COL4A2: variants seen among roughly 807,000 people sequenced by gnomAD.
The protein encoded by COL4A2 is collagen type IV alpha 2 chain.
In COL4A2, 99 loss-of-function variants were observed where a neutral mutation model predicts 200.2. The observed-to-expected ratio is 0.49, with a 90% CI of 0.42 to 0.58. COL4A2 has a LOEUF of 0.58. Ranked by LOEUF, COL4A2 falls within the 20% of genes least tolerant of loss-of-function variation. The probability of loss-of-function intolerance (pLI) is 0.00; values close to 1 mark genes in which losing one functional copy is unlikely to be tolerated. For missense variants in COL4A2, 1,950 were observed against 2,314.1 expected, an observed-to-expected ratio of 0.84 and a Z score of 3.23; for synonymous variants, 897 against 900.6, an observed-to-expected ratio of 1.00 and a Z score of 0.07.
intron 4 of COL4A2, among the ~76,000 whole-genome samples, chr13:110,364,163 A>G (rs1877642667): frequency 6.6e-6 from 1 of 152,232 alleles, no homozygotes; most frequent in Non-Finnish European, 1.5e-5. Flanking sequence ...TACATGCTGC[A>G]CAGAAAGGGC....
chr13:110,482,139 G>A (rs1038780576), intron 31 of COL4A2, among the ~76,000 whole-genome samples: 8 of 152,224 alleles, frequency 5.3e-5, no homozygotes, highest in African/African-American at 7.2e-5. Flanking sequence ...GTCCTGTGTC[G>A]CATCTCCATG....
At chr13:110,472,524 G>A (rs73621023) in intron 28 of COL4A2, among the ~76,000 whole-genome samples, 4,702 of 152,166 alleles carry the variant, frequency 0.031, 219 homozygotes, top group African/African-American at 0.1. Context: ...GGCCCTGTTC[G>A]TTCCTGCCTC....
chr13:110,463,258 C>T (rs1014450876), intron 24 of COL4A2: 1 of 152,428 alleles, frequency 6.6e-6, no homozygotes, highest in African/African-American at 2.4e-5. Flanking sequence ...TTCTCTCTGT[C>T]TTCTCATCAT....
At chr13:110,410,898 A>G (rs1338017400) in intron 4 of COL4A2, among the ~76,000 whole-genome samples, 1 of 152,154 alleles carries the variant, frequency 6.6e-6, no homozygotes, top group Non-Finnish European at 1.5e-5. Context: ...TCTTGACTGC[A>G]CGGGGCTCCA....
At chr13:110,399,252 CAA>C (rs1018127308) in intron 4 of COL4A2, among the ~76,000 whole-genome samples, 18 of 152,218 alleles carry the variant, frequency 1.2e-4, no homozygotes, top group African/African-American at 4.1e-4. Context: ...CCAAGGAGAG[CAA>C]AGATAAAATC....
intron 4 of COL4A2, among the ~76,000 whole-genome samples, chr13:110,424,008 G>T (rs540128529): frequency 1.3e-5 from 2 of 152,282 alleles, no homozygotes; most frequent in Admixed American, 6.5e-5. Flanking sequence ...TGCTGTGCGT[G>T]TAAGTGTACC....
Position 110,351,214 on chromosome 13 carries a change from A to AT in COL4A2, c.100-6256dup, listed in dbSNP as rs61206750. On this transcript the variant is annotated intron_variant, in intron 3 of 47. Coordinates refer to ENST00000360467, the MANE Select transcript of COL4A2 (RefSeq NM_001846.4). ...CAGGCGTGCACCACCACACCCAGCT[A>AT]TTCTTTTTGTTTGTTTGTTTGTTTG... Among the ~76,000 whole-genome samples, 108 of 73,464 alleles carry AT rather than the reference A, an allele frequency of 1.5e-3. 2 individuals are homozygous for AT. In the South Asian group the frequency reaches 0.017, roughly 11 times the overall value. 48.2% of individuals were successfully genotyped at this position (73,464 alleles called of 152,430 possible).
At chr13:110,308,487 A>T (rs1306590478) in intron 3 of COL4A2, among the ~76,000 whole-genome samples, 4 of 152,128 alleles carry the variant, frequency 2.6e-5, no homozygotes, top group Non-Finnish European at 5.9e-5. Context: ...GGGCGAAAAA[A>T]GTTTTCCTGG....
At chr13:110,403,345 CT>C (rs1879444172) in intron 4 of COL4A2, among the ~76,000 whole-genome samples, 1 of 152,180 alleles carries the variant, frequency 6.6e-6, no homozygotes. Context: ...CATGCCACAC[CT>C]TCACTTTGCT....
intron 4 of COL4A2, among the ~76,000 whole-genome samples, chr13:110,404,539 G>A (rs536917108): frequency 1.3e-5 from 2 of 152,144 alleles, no homozygotes; most frequent in Admixed American, 6.5e-5. Flanking sequence ...GGGAGGTGCC[G>A]GGAGTGTAAT....
intron 15 of COL4A2, 143 bp downstream of exon 15, chr13:110,438,811 C>CAA: frequency 1.2e-5 from 8 of 668,220 alleles, no homozygotes; most frequent in Middle Eastern, 3.7e-4. Context: ...CACCCCCCCC[C>CAA]ACACACACAC....
chr13:110,474,896 A>G (rs28653741), intron 29 of COL4A2, among the ~76,000 whole-genome samples: 46,281 of 117,396 alleles, frequency 0.39, 10,413 homozygotes, highest in Middle Eastern at 0.52. Context: ...ACACGTGCCT[A>G]TGCACACTCA....
Position 110,446,821 on chromosome 13 carries a change from C to A in COL4A2, c.1035C>A (p.Pro345=). The change falls in exon 18 of 48, where the codon CCC becomes CCA. Residue 345 remains proline (P), a synonymous_variant. Transcript: ENST00000360467. ...AGGGAGAAGCCGGAGACCCAGGGCC[C>A]CCTGGACTACCTGCCTACTCCCCTC... ...GPKGEAGDPG[P]PGLPAYSPHP... 1 of 1,612,872 alleles carries A rather than the reference C, an allele frequency of 6.2e-7. No homozygotes were observed. The highest frequency in any genetic ancestry group is 8.5e-7 in the Non-Finnish European group (1 of 1,179,006).
At chr13:110,430,882 C>CCTT (rs1286951564) in intron 10 of COL4A2, 5 of 646,042 alleles carry the variant, frequency 7.7e-6, no homozygotes, top group Non-Finnish European at 1.5e-5. Flanking sequence ...CCATCCCCAC[C>CCTT]CCATACCTAC....
intron 20 of COL4A2, among the ~76,000 whole-genome samples, chr13:110,450,816 C>T (rs61963246): frequency 0.17 from 25,401 of 152,164 alleles, 2,352 homozygotes; most frequent in Middle Eastern, 0.34. Flanking sequence ...CGGGGTGATA[C>T]ATTCCACAAA....
chr13:110,372,494 G>A (rs1878056967), intron 4 of COL4A2, among the ~76,000 whole-genome samples: 1 of 152,160 alleles, frequency 6.6e-6, no homozygotes, highest in Non-Finnish European at 1.5e-5. Flanking sequence ...AAAATAATCA[G>A]TGTTATGCTA....
At chr13:110,411,556 T>C (rs1879837926) in intron 4 of COL4A2, among the ~76,000 whole-genome samples, 1 of 152,152 alleles carries the variant, frequency 6.6e-6, no homozygotes, top group African/African-American at 2.4e-5. Flanking sequence ...TAATGAGCCG[T>C]GAAATGGCTA....
At chr13:110,404,869 T>C (rs1356229338) in intron 4 of COL4A2, among the ~76,000 whole-genome samples, 1 of 152,178 alleles carries the variant, frequency 6.6e-6, no homozygotes, top group Non-Finnish European at 1.5e-5. Flanking sequence ...CGGTGGCTCA[T>C]GCCTGTAATG....
Position 110,438,624 on chromosome 13 carries a change from T to A in COL4A2, c.868T>A (p.Ser290Thr), listed in dbSNP as rs1880996099. ...SEGEPGIRGI[S>T]LKGEEGIMGF... is the part of the protein sequence containing the mutation. The stretch of plus-strand genomic sequence containing the variant: ...CCCCTCTGCTCTCTCCTAGGGCATT[T>A]CCTTGAAGGGAGAAGAAGGAATCAT... The change falls in exon 15 of 48, where the codon TCC (serine) becomes ACC (threonine). Residue 290 changes from serine (S) to threonine (T), a missense_variant. Ser to Thr is a moderately conservative substitution (Grantham distance 58). Coordinates refer to ENST00000360467, the MANE Select transcript of COL4A2 (RefSeq NM_001846.4). 6.2e-7 allele frequency: 1 copy of A among 1,614,076 alleles called. No homozygotes were observed. Among genetic ancestry groups the A allele is most frequent in the South Asian group, 1.1e-5 (1 of 91,086 alleles).
Sources: allele counts gnomAD v4.1 joint callset (sites outside exome capture counted in the v4.1 genomes callset), GRCh38; gene constraint gnomAD v4.1.1; transcripts MANE v1.5; gene names NCBI Gene and HGNC (gene_info 2026-07-23, HGNC 2026-07-21).